The following EYA1 variants were observed in gnomAD, a reference collection of about 807,000 sequenced individuals.
EYA1 encodes protein phosphatase EYA1.
In EYA1, 16 loss-of-function variants were observed where a neutral mutation model predicts 82.0. The observed-to-expected ratio is 0.20, with a 90% CI of 0.13 to 0.30. The LOEUF (loss-of-function observed/expected upper bound fraction) is 0.30. EYA1 is among the 10% of genes least tolerant of loss of function. The pLI is 1.00. For missense variants in EYA1, 633 were observed against 730.7 expected, an observed-to-expected ratio of 0.87 and a Z score of 1.54; for synonymous variants, 261 against 264.4, an observed-to-expected ratio of 0.99 and a Z score of 0.12.
At chr8:71,421,699 G>C (rs1408610807) in intron 2 of EYA1, among the ~76,000 whole-genome samples, 1 of 152,134 alleles carries the variant, frequency 6.6e-6, no homozygotes, top group Non-Finnish European at 1.5e-5. Flanking sequence ...AAATACAGTG[G>C]ATTGGCTTTG....
At chr8:71,262,486 A>G (rs1169696932) in intron 11 of EYA1, among the ~76,000 whole-genome samples, 2 of 152,146 alleles carry the variant, frequency 1.3e-5, no homozygotes, top group Admixed American at 6.5e-5. Context: ...GTATTTTTCT[A>G]GGTGGTTCAC....
intron 12 of EYA1, among the ~76,000 whole-genome samples, chr8:71,232,031 T>C (rs1268505746): frequency 1.3e-5 from 2 of 152,252 alleles, no homozygotes; most frequent in Non-Finnish European, 2.9e-5. Context: ...CCAGGTTCTC[T>C]GACTTGGCTA....
At chr8:71,212,128 TG>T (rs949426878) in intron 16 of EYA1, among the ~76,000 whole-genome samples, 1 of 152,202 alleles carries the variant, frequency 6.6e-6, no homozygotes, top group African/African-American at 2.4e-5. Flanking sequence ...TAATGGACAA[TG>T]GGACAGTTTA....
intron 2 of EYA1, among the ~76,000 whole-genome samples, chr8:71,484,787 T>C (rs900476702): frequency 6.6e-6 from 1 of 152,242 alleles, no homozygotes; most frequent in African/African-American, 2.4e-5. Context: ...CCTGTGACCA[T>C]GCTGCCGCTC....
intron 2 of EYA1, among the ~76,000 whole-genome samples, chr8:71,451,995 G>A (rs949918396): frequency 3.3e-5 from 5 of 152,200 alleles, no homozygotes; most frequent in African/African-American, 1.2e-4. Context: ...GGAAGTGCAA[G>A]GGGTCAGGGA....
intron 12 of EYA1, among the ~76,000 whole-genome samples, chr8:71,218,841 G>T (rs1262458669): frequency 6.6e-6 from 1 of 151,824 alleles, no homozygotes; most frequent in Non-Finnish European, 1.5e-5. Context: ...GGGGGAGAGG[G>T]GAAGGCCATA....
chr8:71,289,121 G>A (rs1818728556), intron 9 of EYA1, among the ~76,000 whole-genome samples: 2 of 152,152 alleles, frequency 1.3e-5, no homozygotes, highest in South Asian at 4.1e-4. Flanking sequence ...CAAGATGCAA[G>A]GAGGTCCCTG....
intron 7 of EYA1, among the ~76,000 whole-genome samples, chr8:71,311,631 T>C (rs1328124068): frequency 6.6e-6 from 1 of 152,180 alleles, no homozygotes; most frequent in African/African-American, 2.4e-5. Context: ...CAGGAAAATG[T>C]CAAAAATGAA....
chr8:71,242,773 C>CTTTTTTT (rs35413533), intron 12 of EYA1, among the ~76,000 whole-genome samples: 5 of 117,656 alleles, frequency 4.2e-5, no homozygotes, highest in African/African-American at 9.9e-5. Flanking sequence ...AGTTTTGGCA[C>CTTTTTTT]TTTTTTTTTT....
intron 2 of EYA1, among the ~76,000 whole-genome samples, chr8:71,486,128 A>G (rs1810551917): frequency 6.6e-6 from 1 of 152,180 alleles, no homozygotes. Context: ...AAGACTTGGT[A>G]CTAGGCATAG....
chr8:71,270,780 T>C (rs1816424389), intron 10 of EYA1, among the ~76,000 whole-genome samples: 1 of 152,172 alleles, frequency 6.6e-6, no homozygotes, highest in Non-Finnish European at 1.5e-5. Context: ...TTTAGAACAT[T>C]CCAGGTTTTC....
At chr8:71,486,682 G>C (rs914368264) in intron 2 of EYA1, among the ~76,000 whole-genome samples, 8 of 152,190 alleles carry the variant, frequency 5.3e-5, no homozygotes, top group Non-Finnish European at 8.8e-5. Context: ...GACAGCAGGG[G>C]CAGATCAGGA....
At chr8:71,418,126 T>C (rs887641311) in intron 2 of EYA1, among the ~76,000 whole-genome samples, 3 of 152,178 alleles carry the variant, frequency 2.0e-5, no homozygotes, top group African/African-American at 7.2e-5. Context: ...GAGTCCTGAG[T>C]CACCATCCTA....
chr8:71,411,731 A>G (rs570952745), intron 2 of EYA1, among the ~76,000 whole-genome samples: 1 of 145,122 alleles, frequency 6.9e-6, no homozygotes, highest in African/African-American at 2.6e-5. Context: ...AGGAAACAAC[A>G]GGTGCTGGAG....
At chr8:71,427,084 T>A (rs1805285557) in intron 2 of EYA1, among the ~76,000 whole-genome samples, 1 of 152,236 alleles carries the variant, frequency 6.6e-6, no homozygotes. Flanking sequence ...TGAAGCACTG[T>A]CTTGCGGTTT....
upstream of EYA1, among the ~76,000 whole-genome samples, chr8:71,367,088 T>G (rs1371669321): frequency 6.6e-6 from 1 of 152,164 alleles, no homozygotes; most frequent in East Asian, 1.9e-4. Context: ...AGTGGTCAAA[T>G]CAGGAGATGT....
intron 2 of EYA1, among the ~76,000 whole-genome samples, chr8:71,455,409 GA>G (rs1277293357): frequency 6.6e-6 from 1 of 152,142 alleles, no homozygotes; most frequent in Non-Finnish European, 1.5e-5. Context: ...CTCATTTTAT[GA>G]GGCCAGCATT....
At chr8:71,392,526 T>G (rs1829337808) in intron 2 of EYA1, among the ~76,000 whole-genome samples, 1 of 152,174 alleles carries the variant, frequency 6.6e-6, no homozygotes, top group African/African-American at 2.4e-5. Flanking sequence ...TGTATTTTGC[T>G]CAGAGGTCCC....
chr8:71,329,005 T>C (rs141676254), intron 4 of EYA1, among the ~76,000 whole-genome samples: 296 of 152,274 alleles, frequency 1.9e-3, no homozygotes, highest in Non-Finnish European at 3.6e-3. Flanking sequence ...AACTGAATAA[T>C]ACAAACAGAA....
Sources: gnomAD v4.1 joint callset for allele counts (sites outside exome capture counted in the v4.1 genomes callset) on GRCh38, gnomAD v4.1.1 for gene constraint, MANE v1.5 for transcripts, NCBI Gene and HGNC (gene_info 2026-07-23, HGNC 2026-07-21) for gene names.